The following ARHGEF33 variants were observed in gnomAD, a reference collection of about 807,000 sequenced individuals.
ARHGEF33 encodes the protein Rho guanine nucleotide exchange factor 33.
Under a neutral mutation model 101.9 loss-of-function variants are expected in ARHGEF33, and 72 were observed. The ratio of observed to expected loss-of-function variants is 0.71; its 90% CI spans 0.58 to 0.86. The LOEUF (loss-of-function observed/expected upper bound fraction) is 0.86. ARHGEF33 is among the 40% of genes least tolerant of loss of function. The pLI is 0.00. For missense variants in ARHGEF33, 1,169 were observed against 1,111.3 expected (o/e 1.05, Z -0.74); for synonymous variants, 499 against 442.5 (o/e 1.13, Z -1.60).
chr2:38,924,958 G>C (rs1666839869), intron 4 of ARHGEF33, among the ~76,000 whole-genome samples: 1 of 152,116 alleles, frequency 6.6e-6, no homozygotes, highest in East Asian at 1.9e-4. Flanking sequence ...CAACAAAAGA[G>C]AATGGGTAGG....
At chr2:38,959,820 T>C (rs1340559250) in intron 15 of ARHGEF33, 21 bp from the exon 16 acceptor site, 1 of 1,525,498 alleles carries the variant, frequency 6.6e-7, no homozygotes, top group Non-Finnish European at 8.8e-7. Context: ...AGCTCTTTTG[T>C]ACTCTGTTTT....
chr2:38,942,637 ATTTC>A (rs1386394855), intron 9 of ARHGEF33, among the ~76,000 whole-genome samples: 1 of 151,882 alleles, frequency 6.6e-6, no homozygotes, highest in Non-Finnish European at 1.5e-5. Flanking sequence ...TGTTTCTTAT[ATTTC>A]TTTGAGAATA....
intron 14 of ARHGEF33, 97 bp from the exon 15 acceptor site, chr2:38,957,937 T>C (rs1383248531): frequency 7.0e-7 from 1 of 1,425,694 alleles, no homozygotes; most frequent in Non-Finnish European, 9.6e-7. Flanking sequence ...CAGCAAACTT[T>C]ATCTGAGACA....
chr2:38,906,412 C>G (rs1666392150), intron 2 of ARHGEF33, among the ~76,000 whole-genome samples: 1 of 152,038 alleles, frequency 6.6e-6, no homozygotes, highest in Admixed American at 6.6e-5. Context: ...AAAACCAGCC[C>G]CAGCATGTTC....
At chr2:38,905,054 G>C (rs903432077) in intron 2 of ARHGEF33, among the ~76,000 whole-genome samples, 3 of 152,172 alleles carry the variant, frequency 2.0e-5, no homozygotes, top group Admixed American at 1.3e-4. Flanking sequence ...GGAACCTGAA[G>C]GGGGAGCCTG....
At chr2:38,922,742 T>C (rs1424736546) in intron 4 of ARHGEF33, among the ~76,000 whole-genome samples, 1 of 152,130 alleles carries the variant, frequency 6.6e-6, no homozygotes, top group African/African-American at 2.4e-5. Context: ...AGGTAGGCTG[T>C]TGAAAGGATT....
chr2:38,906,014 T>C lies in ARHGEF33; in HGVS notation c.-86+10165T>C, dbSNP rs551297081. ...ATCCCAACACTTTGGGAGGACCAGG[T>C]GGCCAAATCACTTGTGCCCAGGAGT... On this transcript the variant is annotated intron_variant, in intron 2 of 17. Coordinates refer to ENST00000409978, the MANE Select transcript of ARHGEF33 (RefSeq NM_001145451.5). 2.6e-5 allele frequency among the ~76,000 whole-genome samples: 4 copies of C among 151,888 alleles called. No homozygotes were observed. The South Asian group carries it at 8.3e-4, about 32-fold the overall frequency.
At chr2:38,950,802 T>C (rs545363301) in intron 10 of ARHGEF33, among the ~76,000 whole-genome samples, 187 bp from the exon 11 acceptor site, 1 of 152,334 alleles carries the variant, frequency 6.6e-6, no homozygotes, top group Admixed American at 6.5e-5. Context: ...TGTTTTGTTT[T>C]GTTTTTCTGT....
chr2:38,898,155 G>A (rs938807510), intron 2 of ARHGEF33, among the ~76,000 whole-genome samples: 2 of 152,130 alleles, frequency 1.3e-5, no homozygotes, highest in East Asian at 1.9e-4. Context: ...AAAAGTAGAC[G>A]AGACCACTTG....
In ARHGEF33 at chr2:38,936,056, G is replaced by A. The variant is rs367646815; in HGVS notation, c.565+222G>A. Among the ~76,000 whole-genome samples, 43 of 152,290 alleles carry A rather than the reference G, an allele frequency of 2.8e-4. No individual in the cohort carries two copies. In the South Asian group the frequency reaches 8.5e-3, roughly 30 times the overall value. ...GCTAGGGAAGCTTAAGACAAAACCA[G>A]TATGTTTCATTTTTTCTGGCTTATT... On this transcript the variant is annotated intron_variant, in intron 8 of 17. Coordinates refer to ENST00000409978, the MANE Select transcript of ARHGEF33 (RefSeq NM_001145451.5).
intron 2 of ARHGEF33, among the ~76,000 whole-genome samples, chr2:38,916,681 C>T (rs940110486): frequency 6.6e-5 from 10 of 152,100 alleles, no homozygotes; most frequent in African/African-American, 2.4e-4. Flanking sequence ...TTCCCAATGG[C>T]TTTTTACCTG....
Position 38,942,727 on chromosome 2 carries a change from T to TA in ARHGEF33, c.791-1166dup, listed in dbSNP as rs202049126. 3.7e-3 allele frequency among the ~76,000 whole-genome samples: 556 copies of TA among 151,942 alleles called. 5 individuals carry two copies. Among genetic ancestry groups the TA allele is most frequent in the African/African-American group, 0.013 (528 of 41,478 alleles). On this transcript the variant is annotated intron_variant, in intron 9 of 17. Transcript: ENST00000409978. ...GTTTCTTCAGGGTCCCCCCTCCTTATAAAAAAAATACGTATATATGCTTTT... is the reference window on the plus strand; with the variant it reads ...GTTTCTTCAGGGTCCCCCCTCCTTATAAAAAAAAATACGTATATATGCTTTT...
chr2:38,930,766 G>C (rs1026922080), intron 6 of ARHGEF33, among the ~76,000 whole-genome samples: 1 of 152,196 alleles, frequency 6.6e-6, no homozygotes, highest in Non-Finnish European at 1.5e-5. Flanking sequence ...CTTTTGAGTT[G>C]CATTGCTAAG....
intron 1 of ARHGEF33, among the ~76,000 whole-genome samples, chr2:38,891,874 A>G (rs1323377318): frequency 6.6e-6 from 1 of 152,128 alleles, no homozygotes; most frequent in East Asian, 1.9e-4. Flanking sequence ...AGGAAAAAAA[A>G]CCCTCATTAT....
At chr2:38,915,020 A>T (rs529338520) in intron 2 of ARHGEF33, among the ~76,000 whole-genome samples, 2 of 151,624 alleles carry the variant, frequency 1.3e-5, no homozygotes, top group South Asian at 4.2e-4. Context: ...TGTTTATTTT[A>T]TTTTTTCCAT....
At chr2:38,906,154 A>G (rs995780477) in intron 2 of ARHGEF33, among the ~76,000 whole-genome samples, 7 of 146,536 alleles carry the variant, frequency 4.8e-5, no homozygotes, top group African/African-American at 1.8e-4. Flanking sequence ...GTGCCACCGC[A>G]CTCCAGCCTG....
At chr2:38,917,727 G>A (rs1010854556) in intron 2 of ARHGEF33, among the ~76,000 whole-genome samples, 1 of 151,862 alleles carries the variant, frequency 6.6e-6, no homozygotes, top group African/African-American at 2.4e-5. Context: ...TACTCAGGAG[G>A]CTGAGATGGG....
At chr2:38,950,123 C>A (rs539043971) in intron 10 of ARHGEF33, among the ~76,000 whole-genome samples, 1 of 152,152 alleles carries the variant, frequency 6.6e-6, no homozygotes, top group African/African-American at 2.4e-5. Flanking sequence ...CAAGACTGTC[C>A]TGGCCCAGTA....
intron 10 of ARHGEF33, among the ~76,000 whole-genome samples, chr2:38,946,121 A>G (rs1558438011): frequency 6.6e-6 from 1 of 152,210 alleles, no homozygotes; most frequent in Non-Finnish European, 1.5e-5. Flanking sequence ...TGATTTGTTA[A>G]GTCTGCTACA....
Sources: allele counts gnomAD v4.1 joint callset (sites outside exome capture counted in the v4.1 genomes callset), GRCh38; gene constraint gnomAD v4.1.1; transcripts MANE v1.5; gene names NCBI Gene and HGNC (gene_info 2026-07-23, HGNC 2026-07-21).